The following CYTH3 variants were observed in gnomAD, a reference collection of about 807,000 sequenced individuals.
CYTH3 encodes the protein cytohesin 3, also known as cytohesin-3.
In CYTH3, 23 loss-of-function variants were observed where a neutral mutation model predicts 55.1. That is an observed-to-expected ratio of 0.42 (90% confidence interval 0.30 to 0.59). The LOEUF is 0.59. CYTH3 is among the 20% of genes least tolerant of loss of function. The probability of loss-of-function intolerance (pLI) is 0.20; values close to 1 mark genes in which losing one functional copy is unlikely to be tolerated. For synonymous variants in CYTH3, 249 were observed against 194.9 expected, an observed-to-expected ratio of 1.28 and a Z score of -2.31; for missense variants, 413 against 524.8, an observed-to-expected ratio of 0.79 and a Z score of 2.08.
chr7:6,177,902 A>T lies in CYTH3; in HGVS notation c.289T>A (p.Ser97Thr). ...FLIENDLLQS[S>T]PEDVAQFLYK... ...AGGAACTGGGCGACGTCTTCTGGGGAACTCTGTAGCAGGTCATTTTCTATT... is the reference window on the plus strand; with the variant it reads ...AGGAACTGGGCGACGTCTTCTGGGGTACTCTGTAGCAGGTCATTTTCTATT... The change falls in exon 5 of 13, where the codon TCC (serine) becomes ACC (threonine). Residue 97 changes from serine (S) to threonine (T), a missense_variant. Around this residue, in one of 4 missense-constraint regions of CYTH3, gnomAD observed 152 missense variants for 148.1 expected, o/e 1.03. Transcript: ENST00000350796. 6.2e-7 allele frequency: 1 copy of T among 1,614,136 alleles called. No individual in the cohort carries two copies. The highest frequency in any genetic ancestry group is 8.5e-7 in the Non-Finnish European group (1 of 1,180,000).
chr7:6,188,495 G>T (rs534414660), intron 2 of CYTH3, among the ~76,000 whole-genome samples: 1 of 152,056 alleles, frequency 6.6e-6, no homozygotes, highest in African/African-American at 2.4e-5. Context: ...GCTGAGGCTC[G>T]GGTGTGTTTA....
intron 1 of CYTH3, among the ~76,000 whole-genome samples, chr7:6,261,780 G>GTCTT (rs1393813177): frequency 2.0e-5 from 3 of 151,322 alleles, no homozygotes; most frequent in Admixed American, 6.6e-5. Context: ...AACAGGCAGG[G>GTCTT]TCTTGAATTA....
At chr7:6,207,582 T>G (rs986747396) in intron 1 of CYTH3, among the ~76,000 whole-genome samples, 1 of 151,910 alleles carries the variant, frequency 6.6e-6, no homozygotes, top group African/African-American at 2.4e-5. Context: ...CTGGGCAATA[T>G]AGGCCACAGT....
At chr7:6,212,307 C>T (rs975473616) in intron 1 of CYTH3, among the ~76,000 whole-genome samples, 10 of 152,268 alleles carry the variant, frequency 6.6e-5, no homozygotes, top group South Asian at 4.1e-4. Context: ...TTTTTTCTTA[C>T]GTGTCCAGTT....
At chr7:6,185,462 C>T (rs1282572364) in intron 4 of CYTH3, among the ~76,000 whole-genome samples, 1 of 151,844 alleles carries the variant, frequency 6.6e-6, no homozygotes, top group Non-Finnish European at 1.5e-5. Flanking sequence ...TTTGGGAGGC[C>T]AAGGTGGGCA....
At chr7:6,187,157 T>C in intron 3 of CYTH3, 41 bp from the exon 4 acceptor site, 1 of 1,593,364 alleles carries the variant, frequency 6.3e-7, no homozygotes, top group Non-Finnish European at 8.6e-7. Context: ...CATGCTGTTT[T>C]CACAATGCAG....
intron 2 of CYTH3, among the ~76,000 whole-genome samples, chr7:6,189,363 C>A: frequency 6.6e-6 from 1 of 151,966 alleles, no homozygotes; most frequent in East Asian, 1.9e-4. Context: ...GTCCGCAGTA[C>A]ACTGGCACAA....
At chr7:6,216,046 G>A (rs189526903) in intron 1 of CYTH3, among the ~76,000 whole-genome samples, 151 of 152,282 alleles carry the variant, frequency 9.9e-4, no homozygotes, top group African/African-American at 2.7e-3. Flanking sequence ...AATGGCTAGC[G>A]GGAGTTCTCT....
At chr7:6,190,004 C>G (rs1007169017) in intron 2 of CYTH3, among the ~76,000 whole-genome samples, 2 of 152,076 alleles carry the variant, frequency 1.3e-5, no homozygotes, top group South Asian at 2.1e-4. Flanking sequence ...CCACTGCACT[C>G]CAGCCTGGGC....
At chr7:6,209,474 G>A (rs551502010) in intron 1 of CYTH3, among the ~76,000 whole-genome samples, 5 of 152,296 alleles carry the variant, frequency 3.3e-5, no homozygotes, top group Admixed American at 3.3e-4. Flanking sequence ...ACAGCCAGAA[G>A]CTGTCGTTGG....
In CYTH3 at chr7:6,171,462, A is replaced by C; in HGVS notation, c.450-148T>G. 3.1e-6 allele frequency: 2 copies of C among 646,182 alleles called. No individual in the cohort carries two copies. The highest frequency in any genetic ancestry group is 5.4e-6 in the Non-Finnish European group (2 of 369,360). 40.0% of individuals were successfully genotyped at this position (646,182 alleles called of 1,614,324 possible). A position where few individuals can be genotyped will look rare whatever the true frequency, so the allele number is the denominator to read the frequency against. ...GGGGCTTGGGGGCGCAGAGACAGAA[A>C]GGAGAAGACCCAGGACAGTCTCCTT... On this transcript the variant is annotated intron_variant, in intron 6 of 12. Coordinates refer to ENST00000350796, the MANE Select transcript of CYTH3 (RefSeq NM_004227.4). The surrounding 1 kb of genome is among the most constrained non-coding windows in gnomAD (Gnocchi z 6.7).
intron 1 of CYTH3, among the ~76,000 whole-genome samples, chr7:6,249,176 A>C (rs1229802794): frequency 6.6e-6 from 1 of 152,186 alleles, no homozygotes; most frequent in Non-Finnish European, 1.5e-5. Context: ...TCAAATGGGA[A>C]GGTTCACTAT....
chr7:6,250,628 C>A (rs75493913), intron 1 of CYTH3, among the ~76,000 whole-genome samples: 1 of 152,084 alleles, frequency 6.6e-6, no homozygotes, highest in Non-Finnish European at 1.5e-5. Flanking sequence ...ATTCCATTTA[C>A]GTGACATGTC....
At chr7:6,204,145 G>A (rs938225384) in intron 1 of CYTH3, among the ~76,000 whole-genome samples, 5 of 152,084 alleles carry the variant, frequency 3.3e-5, no homozygotes, top group Non-Finnish European at 7.4e-5. Flanking sequence ...TGGTTTAGGT[G>A]CCAGCTTTTT....
At position 6,248,306 on chromosome 7, in the gene CYTH3, GT is replaced by G. The variant is rs559213314; in HGVS notation, c.34+24167del. ...TCAGAATGCTGCTAAACGTTGGTGG[GT>G]TTTTATTGTTGCTGTTTTCTAACTC... On this transcript the variant is annotated intron_variant, in intron 1 of 12. Coordinates refer to ENST00000350796, the MANE Select transcript of CYTH3 (RefSeq NM_004227.4). 4.7e-4 allele frequency among the ~76,000 whole-genome samples: 71 copies of G among 151,558 alleles called. 2 individuals carry two copies. In the South Asian group the frequency reaches 0.013, roughly 27 times the overall value.
At chr7:6,248,223 A>T (rs1779871234) in intron 1 of CYTH3, among the ~76,000 whole-genome samples, 1 of 142,740 alleles carries the variant, frequency 7.0e-6, no homozygotes, top group African/African-American at 2.6e-5. Context: ...ATTTAGACCC[A>T]TCCTCCCCCA....
chr7:6,184,246 G>C (rs967635552), intron 4 of CYTH3, among the ~76,000 whole-genome samples: 2 of 151,632 alleles, frequency 1.3e-5, no homozygotes, highest in African/African-American at 4.8e-5. Context: ...ATTTTCAGTA[G>C]AAACGGGGTT....
chr7:6,170,468 G>T lies in CYTH3; in HGVS notation c.823+67C>A. 6.9e-7 allele frequency: 1 copy of T among 1,450,204 alleles called. No homozygotes were observed. The highest frequency in any genetic ancestry group is 1.2e-5 in the South Asian group (1 of 82,030). 89.8% of individuals were successfully genotyped at this position (1,450,204 alleles called of 1,614,324 possible). A position where few individuals can be genotyped will look rare whatever the true frequency, so the allele number is the denominator to read the frequency against. ...GGGCATTCCTACGATGAGCCTGGGA[G>T]GAACCCGAGGGGCTGCTGCCATGGG... On this transcript the variant is annotated intron_variant, in intron 9 of 12. Transcript: ENST00000350796. This position sits in a 1 kb window ranked among gnomAD's most constrained non-coding sequence, Gnocchi z 7.8.
intron 1 of CYTH3, among the ~76,000 whole-genome samples, chr7:6,232,920 G>C (rs917582490): frequency 5.9e-5 from 9 of 152,112 alleles, no homozygotes; most frequent in Admixed American, 4.6e-4. Context: ...CATGGTATTT[G>C]GTACTCCTGA....
Sources: allele counts gnomAD v4.1 joint callset (sites outside exome capture counted in the v4.1 genomes callset), GRCh38; gene constraint gnomAD v4.1.1; regional missense constraint gnomAD v4.1.1; non-coding constraint Gnocchi (gnomAD v3.1); transcripts MANE v1.5; gene names NCBI Gene and HGNC (gene_info 2026-07-23, HGNC 2026-07-21).